The following PLA2G4E variants were observed in gnomAD, a reference collection of about 807,000 sequenced individuals.
PLA2G4E encodes the protein cytosolic phospholipase A2 epsilon.
PLA2G4E carries 84 observed loss-of-function variants against 109.1 expected under a neutral mutation model. The ratio of observed to expected loss-of-function variants is 0.77; its 90% CI spans 0.65 to 0.92. The LOEUF (loss-of-function observed/expected upper bound fraction) is 0.92. Ranked by LOEUF, PLA2G4E falls within the 40% of genes least tolerant of loss-of-function variation. The pLI is 0.00. For synonymous variants in PLA2G4E, 469 were observed against 436.1 expected (o/e 1.08, Z -0.94); for missense variants, 1,057 against 1,076.6 (o/e 0.98, Z 0.25).
chr15:41,986,856 G>C (rs1240020847), intron 17 of PLA2G4E: 7 of 384,698 alleles, frequency 1.8e-5, no homozygotes, highest in Non-Finnish European at 2.4e-5. Flanking sequence ...GAACACAACT[G>C]CAGAAAGTAA....
At chr15:42,027,353 G>C (rs905389648) in intron 1 of PLA2G4E, among the ~76,000 whole-genome samples, 40 of 152,290 alleles carry the variant, frequency 2.6e-4, no homozygotes, top group African/African-American at 9.4e-4. Context: ...AATCAATCAA[G>C]AAAGCTGGAA....
chr15:42,020,549 AG>A (rs1469448280), intron 1 of PLA2G4E, among the ~76,000 whole-genome samples: 1 of 152,270 alleles, frequency 6.6e-6, no homozygotes, highest in Admixed American at 6.5e-5. Context: ...ACTCTTGCAC[AG>A]CATAGAAGCT....
intron 15 of PLA2G4E, 24 bp from the exon 16 acceptor site, chr15:41,988,180 C>A: frequency 6.5e-7 from 1 of 1,527,104 alleles, no homozygotes; most frequent in Non-Finnish European, 8.9e-7. Flanking sequence ...CCAGCGTGAG[C>A]AGCTCCACCC....
intron 1 of PLA2G4E, among the ~76,000 whole-genome samples, chr15:42,026,095 G>T (rs1220594771): frequency 6.6e-6 from 1 of 152,050 alleles, no homozygotes; most frequent in Non-Finnish European, 1.5e-5. Flanking sequence ...CTCTACAATA[G>T]ATCTCACGTT....
At chr15:42,048,886 G>A (rs1276038322) in intron 1 of PLA2G4E, among the ~76,000 whole-genome samples, 8 of 152,230 alleles carry the variant, frequency 5.3e-5, no homozygotes, top group Non-Finnish European at 1.2e-4. Context: ...AAGCCATTAT[G>A]TTTTCGTTGC....
At chr15:41,998,211 G>C (rs551908781) in intron 10 of PLA2G4E, 3 of 152,382 alleles carry the variant, frequency 2.0e-5, no homozygotes, top group South Asian at 2.1e-4. Context: ...CTCCTTGAAG[G>C]CTGGGCCTAG....
rs879585887 is a variant in PLA2G4E at position 41,986,521 on chromosome 15, A to AT, written c.2036-517dup. On this transcript the variant is annotated intron_variant, in intron 17 of 19. Transcript: ENST00000399518. ...CCAGTTCCAAGCGGGCACCACTCAC[A>AT]TTTTTTTTTTTTTTGAGACAGGGTC... 8.7e-3 allele frequency among the ~76,000 whole-genome samples: 1,211 copies of AT among 139,998 alleles called. 11 individuals carry two copies. Among genetic ancestry groups the AT allele is most frequent in the African/African-American group, 0.025 (941 of 38,308 alleles). 91.8% of individuals were successfully genotyped at this position (139,998 alleles called of 152,430 possible).
At chr15:42,023,430 G>GT (rs887877260) in intron 1 of PLA2G4E, among the ~76,000 whole-genome samples, 5 of 151,856 alleles carry the variant, frequency 3.3e-5, no homozygotes, top group Non-Finnish European at 5.9e-5. Flanking sequence ...GCTATTGATG[G>GT]TTTTTGAGCA....
intron 1 of PLA2G4E, among the ~76,000 whole-genome samples, chr15:42,038,850 A>G (rs1889264558): frequency 6.6e-6 from 1 of 152,170 alleles, no homozygotes; most frequent in African/African-American, 2.4e-5. Flanking sequence ...ACTAGATATT[A>G]CCAAAGTGTT....
At chr15:42,016,143 C>A (rs1453050765) in intron 1 of PLA2G4E, among the ~76,000 whole-genome samples, 2 of 150,882 alleles carry the variant, frequency 1.3e-5, no homozygotes, top group Non-Finnish European at 2.9e-5. Flanking sequence ...ATTCTTCTCT[C>A]TTTAAATACT....
chr15:41,995,383 G>C, exon 12 of PLA2G4E: 1 of 1,613,574 alleles, frequency 6.2e-7, no homozygotes, highest in Non-Finnish European at 8.5e-7. Context: ...ATAGACCGGT[G>C]ATGTAGCTGG....
chr15:41,999,327 CAAAT>C (rs968330004), intron 10 of PLA2G4E, among the ~76,000 whole-genome samples, 193 bp downstream of exon 10: 3 of 152,080 alleles, frequency 2.0e-5, no homozygotes, highest in Admixed American at 6.5e-5. Flanking sequence ...TAAAAAAACA[CAAAT>C]AACCCACATA....
chr15:41,982,374 C>T lies in PLA2G4E; in HGVS notation c.*1380G>A, dbSNP rs541704983. 3 of 152,292 alleles carry T rather than the reference C, an allele frequency of 2.0e-5. No individual in the cohort carries two copies. The East Asian group carries it at 5.8e-4, about 29-fold the overall frequency. 9.4% of individuals were successfully genotyped at this position (152,292 alleles called of 1,614,324 possible). ...GTGTCCCAGGGTTTTCCCAGAGATT[C>T]ATTAGGAAGCAATCTTAAAGGGCGG... On this transcript the variant is annotated 3_prime_UTR_variant, in exon 20 of 20. Coordinates refer to ENST00000399518, the Ensembl canonical transcript of PLA2G4E.
chr15:41,988,058 G>A lies in PLA2G4E; in HGVS notation c.1822C>T (p.Gln608Ter). ...AGCCGGGGTCACCCACCGATGTCCT[G>A]CACTTTCTCCCTTGTCCACCTGTGG... The change falls in exon 16 of 20, where the codon CAG (glutamine) becomes TAG (stop). Residue 608 changes from glutamine to a stop codon, truncating the protein, a stop_gained. Coordinates refer to ENST00000399518, the Ensembl canonical transcript of PLA2G4E. LOFTEE classifies it high-confidence loss of function. The A allele has an allele frequency of 6.2e-7, 1 of 1,601,442 alleles. No individual in the cohort carries two copies. The highest frequency in any genetic ancestry group is 8.5e-7 in the Non-Finnish European group (1 of 1,173,106).
intron 15 of PLA2G4E, 73 bp from the exon 16 acceptor site, chr15:41,988,229 TC>T (rs1298985960): frequency 4.3e-6 from 4 of 931,250 alleles, no homozygotes; most frequent in Non-Finnish European, 6.0e-6. Flanking sequence ...GATTCCCCAC[TC>T]CCCCCACCCC....
chr15:41,996,208 C>G (rs951768142), intron 11 of PLA2G4E, among the ~76,000 whole-genome samples: 1 of 151,958 alleles, frequency 6.6e-6, no homozygotes, highest in Non-Finnish European at 1.5e-5. Context: ...ATTAGCCAGG[C>G]ATTGTGGCTC....
At chr15:41,995,431 G>A in exon 12 of PLA2G4E, 1 of 1,613,984 alleles carries the variant, frequency 6.2e-7, no homozygotes, top group South Asian at 1.1e-5. Context: ...GCCCCAGCAG[G>A]TGGCCATACA....
chr15:41,995,312 T>C, intron 12 of PLA2G4E, 48 bp downstream of exon 12: 1 of 1,592,900 alleles, frequency 6.3e-7, no homozygotes, highest in Non-Finnish European at 8.6e-7. Context: ...GGCCAGCCTG[T>C]TCGTGGCTTG....
chr15:42,015,011 T>C (rs1431718923), intron 1 of PLA2G4E, among the ~76,000 whole-genome samples: 3 of 152,074 alleles, frequency 2.0e-5, no homozygotes, highest in African/African-American at 7.2e-5. Flanking sequence ...CCTCCTTCCG[T>C]CCTGCCCCTC....
Sources: gnomAD v4.1 joint callset for allele counts (sites outside exome capture counted in the v4.1 genomes callset) on GRCh38, gnomAD v4.1.1 for gene constraint, MANE v1.5 for transcripts, NCBI Gene and HGNC (gene_info 2026-07-23, HGNC 2026-07-21) for gene names.